Variants in DOCK8 observed in about 807,000 individuals in gnomAD.
DOCK8 encodes the protein dedicator of cytokinesis 8.
DOCK8 carries 141 observed loss-of-function variants against 245.6 expected under a neutral mutation model. The observed-to-expected ratio is 0.57, with a 90% confidence interval of 0.50 to 0.66. The LOEUF is 0.66. Among genes scored for constraint, DOCK8 ranks in the 30% least tolerant of loss-of-function variants. DOCK8 has a pLI of 0.00. For synonymous variants in DOCK8, 1,168 were observed against 970.2 expected (o/e 1.20, Z -3.79); for missense variants, 2,965 against 2,603.4 (o/e 1.14, Z -3.02).
chr9:453,921 A>G (rs777969640), intron 46 of DOCK8, among the ~76,000 whole-genome samples: 5 of 152,176 alleles, frequency 3.3e-5, no homozygotes, highest in Admixed American at 6.5e-5. Flanking sequence ...TTTGAAGAGC[A>G]CTCACTATAT....
chr9:248,819 G>A (rs942021889), intron 1 of DOCK8, among the ~76,000 whole-genome samples: 1 of 152,176 alleles, frequency 6.6e-6, no homozygotes, highest in Non-Finnish European at 1.5e-5. Flanking sequence ...GTTACCAAAA[G>A]CAGGGGTGCT....
chr9:280,292 T>C (rs907564559), intron 2 of DOCK8, among the ~76,000 whole-genome samples: 2 of 152,170 alleles, frequency 1.3e-5, no homozygotes, highest in African/African-American at 4.8e-5. Flanking sequence ...TAGAGAAGTA[T>C]TGAAAATTGC....
At chr9:369,334 C>G (rs1208094039) in intron 15 of DOCK8, 1 of 152,246 alleles carries the variant, frequency 6.6e-6, no homozygotes, top group African/African-American at 2.4e-5. Flanking sequence ...CCAAGATGCC[C>G]AGCCAAGAGT....
At position 446,622 on chromosome 9, in the gene DOCK8, G is replaced by C. The variant is rs1257540358; in HGVS notation, c.5817+16G>C. The C allele has an allele frequency of 6.2e-7, 1 of 1,612,976 alleles. No homozygotes were observed. Among genetic ancestry groups the C allele is most frequent in the African/African-American group, 1.3e-5 (1 of 74,886 alleles). On this transcript the variant is annotated intron_variant, in intron 44 of 47. Transcript: ENST00000432829. ...GAAGGAGGAGGTAATGCACCCAAGG[G>C]ATTGGCCACCACTGGATGAGTGGGC...
chr9:293,310 C>T (rs191051832), intron 4 of DOCK8, among the ~76,000 whole-genome samples: 19 of 152,352 alleles, frequency 1.2e-4, no homozygotes, highest in Admixed American at 1.2e-3. Flanking sequence ...TCTCTATATG[C>T]ACCTGTCGTA....
At chr9:302,811 C>T (rs1035245894) in intron 4 of DOCK8, among the ~76,000 whole-genome samples, 11 of 152,050 alleles carry the variant, frequency 7.2e-5, no homozygotes, top group African/African-American at 2.7e-4. Context: ...CAACTCACAA[C>T]AGTCAGAATG....
chr9:360,021 A>G (rs2052645592), intron 14 of DOCK8, among the ~76,000 whole-genome samples: 1 of 152,194 alleles, frequency 6.6e-6, no homozygotes, highest in African/African-American at 2.4e-5. Context: ...GCTGTTAAAA[A>G]ATGAATAAAA....
intron 23 of DOCK8, among the ~76,000 whole-genome samples, chr9:387,880 G>C (rs567279744): frequency 6.6e-6 from 1 of 152,186 alleles, no homozygotes; most frequent in Non-Finnish European, 1.5e-5. Context: ...TGGTTTCGCA[G>C]TTGCCATGTT....
chr9:353,968 T>C (rs894895428), intron 14 of DOCK8, among the ~76,000 whole-genome samples: 1 of 152,182 alleles, frequency 6.6e-6, no homozygotes, highest in Admixed American at 6.5e-5. Context: ...ATTTATACTT[T>C]TAGAAATTCT....
chr9:370,333 A>G (rs757081604), intron 16 of DOCK8, 33 bp downstream of exon 16: 8 of 1,594,824 alleles, frequency 5.0e-6, no homozygotes, highest in Non-Finnish European at 6.0e-6. Flanking sequence ...AATATATGCC[A>G]AGATGGTTTC....
At chr9:452,874 T>A (rs76938458) in intron 46 of DOCK8, 106 of 152,322 alleles carry the variant, frequency 7.0e-4, no homozygotes, top group Middle Eastern at 3.4e-3. Flanking sequence ...TTGTAATTTA[T>A]TGCAATACAG....
At chr9:349,167 T>C (rs747803960) in intron 14 of DOCK8, among the ~76,000 whole-genome samples, 1 of 152,128 alleles carries the variant, frequency 6.6e-6, no homozygotes, top group Non-Finnish European at 1.5e-5. Flanking sequence ...GAGCTGTGAG[T>C]AGTTGAAAGG....
At chr9:365,209 T>C (rs1429768603) in intron 14 of DOCK8, among the ~76,000 whole-genome samples, 1 of 152,230 alleles carries the variant, frequency 6.6e-6, no homozygotes, top group Non-Finnish European at 1.5e-5. Context: ...TGAGGAACAT[T>C]GTAAGAGGCA....
Position 332,284 on chromosome 9 carries a change from G to A in DOCK8, c.1045-114G>A, listed in dbSNP as rs1423375387. 4 of 722,504 alleles carry A rather than the reference G, an allele frequency of 5.5e-6. No homozygotes were observed. The Admixed American group carries it at 9.0e-5, about 16-fold the overall frequency. The allele number at this position is 722,504 out of a possible 1,614,324, so 44.8% of individuals were successfully genotyped here. On this transcript the variant is annotated intron_variant, in intron 9 of 47. Transcript: ENST00000432829. Reference sequence around the variant, plus strand: ...TTTTAATAAAAAAATATGTATCACAGATAGCTTCCTATGTCATCAAATATT... The same window carrying A: ...TTTTAATAAAAAAATATGTATCACAAATAGCTTCCTATGTCATCAAATATT...
chr9:347,161 A>G (rs1315710355), intron 14 of DOCK8, among the ~76,000 whole-genome samples: 3 of 152,094 alleles, frequency 2.0e-5, no homozygotes, highest in African/African-American at 7.2e-5. Context: ...TTCTCATGGA[A>G]GGGAAGCTTC....
At chr9:420,366 C>G (rs1013512907) in intron 30 of DOCK8, 35 bp from the exon 31 acceptor site, 3 of 1,613,164 alleles carry the variant, frequency 1.9e-6, no homozygotes, top group African/African-American at 1.3e-5. Context: ...TTGACTTCTT[C>G]CCTGGCCTCC....
intron 36 of DOCK8, among the ~76,000 whole-genome samples, chr9:430,934 A>T (rs927422579): frequency 2.0e-5 from 3 of 152,138 alleles, no homozygotes; most frequent in Non-Finnish European, 4.4e-5. Context: ...TAGTGGCACT[A>T]TCAGAGCTCA....
chr9:406,533 C>G (rs1032198778), intron 27 of DOCK8, among the ~76,000 whole-genome samples: 4 of 150,470 alleles, frequency 2.7e-5, no homozygotes, highest in Non-Finnish European at 5.9e-5. Context: ...GTAAGCAGGG[C>G]CTTAAACAAA....
intron 28 of DOCK8, among the ~76,000 whole-genome samples, chr9:409,336 T>C (rs1042405544): frequency 6.6e-6 from 1 of 152,206 alleles, no homozygotes; most frequent in African/African-American, 2.4e-5. Context: ...CTATCATCTT[T>C]GTGTTAAGCC....
Sources: gnomAD v4.1 joint callset for allele counts (sites outside exome capture counted in the v4.1 genomes callset) on GRCh38, gnomAD v4.1.1 for gene constraint, MANE v1.5 for transcripts, NCBI Gene and HGNC (gene_info 2026-07-23, HGNC 2026-07-21) for gene names.